The following LRRTM4 variants were observed in gnomAD, a reference collection of about 807,000 sequenced individuals.
The protein encoded by LRRTM4 is leucine-rich repeat transmembrane neuronal protein 4.
In LRRTM4, 25 loss-of-function variants were observed where a neutral mutation model predicts 47.6. The ratio of observed to expected loss-of-function variants is 0.53; its 90% CI spans 0.38 to 0.73. The LOEUF (loss-of-function observed/expected upper bound fraction) is 0.73, where lower values mean the gene tolerates loss of function less well. Ranked by LOEUF, LRRTM4 falls within the 30% of genes least tolerant of loss-of-function variation. The pLI, the probability that LRRTM4 is intolerant of heterozygous loss-of-function variation, is 0.00. For missense variants in LRRTM4, 638 were observed against 713.4 expected, an observed-to-expected ratio of 0.89 and a Z score of 1.20; for synonymous variants, 311 against 269.5, an observed-to-expected ratio of 1.15 and a Z score of -1.51.
chr2:77,049,122 T>TATATATACA (rs34587249), intron 3 of LRRTM4, among the ~76,000 whole-genome samples: 2 of 62,698 alleles, frequency 3.2e-5, no homozygotes, highest in African/African-American at 1.8e-4. Context: ...ATTTCATTTT[T>TATATATACA]TATATATATA....
At chr2:76,807,485 T>TAC (rs1312947641) in intron 3 of LRRTM4, among the ~76,000 whole-genome samples, 54 of 124,400 alleles carry the variant, frequency 4.3e-4, no homozygotes, top group East Asian at 2.8e-3. Context: ...TATATATATA[T>TAC]ACATATATAT....
chr2:76,975,403 CTTA>C (rs994466848), intron 3 of LRRTM4, among the ~76,000 whole-genome samples: 4 of 149,198 alleles, frequency 2.7e-5, no homozygotes, highest in African/African-American at 9.9e-5. Context: ...TCATAAGAGA[CTTA>C]TTTATTTATT....
intron 3 of LRRTM4, among the ~76,000 whole-genome samples, chr2:77,281,509 A>T (rs1018194552): frequency 1.3e-5 from 2 of 151,938 alleles, no homozygotes; most frequent in Non-Finnish European, 2.9e-5. Flanking sequence ...ACAAATGATA[A>T]AGCTAAATTT....
chr2:77,172,009 G>T (rs547345149), intron 3 of LRRTM4, among the ~76,000 whole-genome samples: 7 of 152,258 alleles, frequency 4.6e-5, no homozygotes, highest in African/African-American at 1.7e-4. Context: ...CTCACATAGT[G>T]TCGCTGCGAT....
chr2:77,353,252 T>C (rs752726444), intron 3 of LRRTM4, among the ~76,000 whole-genome samples: 1 of 152,206 alleles, frequency 6.6e-6, no homozygotes, highest in Non-Finnish European at 1.5e-5. Flanking sequence ...CTTTCCCTTT[T>C]GATTTGCACA....
intron 3 of LRRTM4, among the ~76,000 whole-genome samples, chr2:77,018,206 T>G (rs1175920067): frequency 6.6e-6 from 1 of 151,688 alleles, no homozygotes; most frequent in Non-Finnish European, 1.5e-5. Context: ...TTTTTTTGTT[T>G]TTTTTTTCAA....
chr2:76,981,777 C>T (rs1317353740), intron 3 of LRRTM4, among the ~76,000 whole-genome samples: 1 of 152,030 alleles, frequency 6.6e-6, no homozygotes, highest in East Asian at 1.9e-4. Flanking sequence ...CAGGCAGGAG[C>T]CACAGCACCA....
At position 76,822,350 on chromosome 2, in the gene LRRTM4, G is replaced by A. The variant is rs59070780; in HGVS notation, c.1552-73434C>T. 6.2e-3 allele frequency among the ~76,000 whole-genome samples: 937 copies of A among 151,272 alleles called. 12 individuals carry two copies. The highest frequency in any genetic ancestry group is 0.021 in the African/African-American group (871 of 41,396). On this transcript the variant is annotated intron_variant, in intron 3 of 3. Coordinates refer to ENST00000409884, the MANE Select transcript of LRRTM4 (RefSeq NM_001134745.3). ...GATAAGTAAATGAAAATATTCTAGC[G>A]AAAACAGAAATAAACATAAAAGAAA...
intron 3 of LRRTM4, among the ~76,000 whole-genome samples, chr2:77,108,666 C>G (rs984499159): frequency 6.7e-6 from 1 of 150,330 alleles, no homozygotes; most frequent in Non-Finnish European, 1.5e-5. Flanking sequence ...TCACTGCAAG[C>G]TCCGCCTCCC....
At chr2:77,410,079 A>G (rs1674359563) in intron 3 of LRRTM4, among the ~76,000 whole-genome samples, 1 of 152,222 alleles carries the variant, frequency 6.6e-6, no homozygotes, top group Non-Finnish European at 1.5e-5. Context: ...TATCATCTAT[A>G]TCTATATTCA....
At chr2:77,079,822 T>G in intron 3 of LRRTM4, among the ~76,000 whole-genome samples, 1 of 152,124 alleles carries the variant, frequency 6.6e-6, no homozygotes, top group Admixed American at 6.5e-5. Flanking sequence ...TTCTAATTTC[T>G]ATTCTTTTAC....
In LRRTM4 at chr2:76,887,421, G is replaced by A. The variant is rs972932328; in HGVS notation, c.1552-138505C>T. 4.0e-5 allele frequency among the ~76,000 whole-genome samples: 6 copies of A among 151,156 alleles called. No homozygotes were observed. In the East Asian group the frequency reaches 7.8e-4, roughly 20 times the overall value. On this transcript the variant is annotated intron_variant, in intron 3 of 3. Transcript: ENST00000409884. ...TAAACCATGATAGATGTAAATATAT[G>A]ACAAACAGCACCACCAATCAATATC...
chr2:76,821,100 C>T (rs1331436576), intron 3 of LRRTM4, among the ~76,000 whole-genome samples: 1 of 151,466 alleles, frequency 6.6e-6, no homozygotes, highest in Non-Finnish European at 1.5e-5. Flanking sequence ...AACACAAAAC[C>T]ATAAGAGGGA....
At chr2:76,793,744 ACCAGT>A (rs1348374878) in intron 3 of LRRTM4, among the ~76,000 whole-genome samples, 1 of 152,150 alleles carries the variant, frequency 6.6e-6, no homozygotes, top group Non-Finnish European at 1.5e-5. Flanking sequence ...CATTTTGCCC[ACCAGT>A]ATGAACTTAT....
intron 3 of LRRTM4, among the ~76,000 whole-genome samples, chr2:77,070,060 T>C (rs1354791672): frequency 6.6e-6 from 1 of 152,092 alleles, no homozygotes; most frequent in African/African-American, 2.4e-5. Context: ...TATATATATA[T>C]ATATAAAATC....
rs866548768 is a variant in LRRTM4, at chr2:77,389,763, A to G, written c.1551+128555T>C. 8.5e-5 allele frequency among the ~76,000 whole-genome samples: 13 copies of G among 152,180 alleles called. No homozygotes were observed. The Middle Eastern group carries it at 0.01, about 119-fold the overall frequency. ...CACCCCACAAGCAGGAAAAGTTAAT[A>G]TAATAGCCAACCTCCCTTTCTCCCT... is the stretch of plus-strand genomic sequence containing the variant. On this transcript the variant is annotated intron_variant, in intron 3 of 3. Coordinates refer to ENST00000409884, the MANE Select transcript of LRRTM4 (RefSeq NM_001134745.3).
intron 3 of LRRTM4, among the ~76,000 whole-genome samples, chr2:77,207,486 T>C (rs1674168190): frequency 6.6e-6 from 1 of 151,672 alleles, no homozygotes; most frequent in Admixed American, 6.6e-5. Flanking sequence ...TTGTAGCATG[T>C]CATCAGAGTG....
chr2:77,032,743 A>G (rs17406416), intron 3 of LRRTM4, among the ~76,000 whole-genome samples: 28,976 of 151,952 alleles, frequency 0.19, 2,911 homozygotes, highest in Admixed American at 0.27. Flanking sequence ...AGACTTACCG[A>G]TTTAATTCTT....
intron 3 of LRRTM4, among the ~76,000 whole-genome samples, chr2:77,290,280 T>C (rs1206732042): frequency 2.6e-5 from 4 of 151,970 alleles, no homozygotes; most frequent in Non-Finnish European, 5.9e-5. Flanking sequence ...TGGTGTCTCA[T>C]TGCCTTCAAA....
Sources: gnomAD v4.1 joint callset for allele counts (sites outside exome capture counted in the v4.1 genomes callset) on GRCh38, gnomAD v4.1.1 for gene constraint, MANE v1.5 for transcripts, NCBI Gene and HGNC (gene_info 2026-07-23, HGNC 2026-07-21) for gene names.